THSD4: variants seen among roughly 807,000 people sequenced by gnomAD.
THSD4 encodes the protein thrombospondin type 1 domain containing 4, also known as thrombospondin type-1 domain-containing protein 4.
In THSD4, 69 loss-of-function variants were observed where a neutral mutation model predicts 119.0. That is an observed-to-expected ratio of 0.58 (90% CI 0.48 to 0.71). THSD4 has a LOEUF of 0.71. THSD4 is among the 30% of genes least tolerant of loss of function. The pLI, the probability that THSD4 is intolerant of heterozygous loss-of-function variation, is 0.00. For synonymous variants in THSD4, 524 were observed against 540.4 expected (o/e 0.97, Z 0.42); for missense variants, 1,393 against 1,391.1 (o/e 1.00, Z -0.02).
At chr15:71,172,550 A>G (rs914586663) in intron 3 of THSD4, among the ~76,000 whole-genome samples, 1 of 150,610 alleles carries the variant, frequency 6.6e-6, no homozygotes, top group Non-Finnish European at 1.5e-5. Context: ...TTTCAGAAAG[A>G]AGAAGAAAAT....
intron 3 of THSD4, among the ~76,000 whole-genome samples, chr15:71,182,386 A>G (rs560459338): frequency 1.3e-5 from 2 of 151,764 alleles, no homozygotes; most frequent in Non-Finnish European, 2.9e-5. Context: ...TGGTCTTCTT[A>G]TAAATAAACC....
chr15:71,606,465 G>A (rs1595780337), intron 7 of THSD4, among the ~76,000 whole-genome samples: 1 of 152,212 alleles, frequency 6.6e-6, no homozygotes, highest in African/African-American at 2.4e-5. Context: ...CTCCAGCAAG[G>A]AGGCAGGATA....
Position 71,762,150 on chromosome 15 carries a change from AACAC to A in THSD4, c.2590-2844_2590-2841del, listed in dbSNP as rs72267245. Among the ~76,000 whole-genome samples the A allele has an allele frequency of 6.7e-3, 750 of 112,300 alleles. 3 individuals carry two copies. Among genetic ancestry groups the A allele is most frequent in the East Asian group, 0.015 (66 of 4,538 alleles). 73.7% of individuals were successfully genotyped at this position (112,300 alleles called of 152,430 possible). ...AAATGCTGTCTCATGCGCGTGTGCAAACACACACACACACACACACACACACACA... is the reference window on the plus strand; with the variant it reads ...AAATGCTGTCTCATGCGCGTGTGCAAACACACACACACACACACACACACA... On this transcript the variant is annotated intron_variant, in intron 15 of 17. Coordinates refer to ENST00000261862, the MANE Select transcript of THSD4 (RefSeq NM_024817.3).
chr15:71,132,792 ACACG>A lies in THSD4; in HGVS notation c.-79-8656_-79-8653del, dbSNP rs2040515465. On this transcript the variant is annotated intron_variant, in intron 1 of 17. Transcript: ENST00000261862. ...ACTTGTTACACCTTCCTTCCCCAAC[ACACG>A]TATGTGTGTGTATGTGTGTACGCTC... 8.5e-5 allele frequency among the ~76,000 whole-genome samples: 13 copies of A among 152,314 alleles called. No homozygotes were observed. The South Asian group carries it at 2.5e-3, about 29-fold the overall frequency.
At chr15:71,762,879 T>C (rs2053649703) in intron 15 of THSD4, among the ~76,000 whole-genome samples, 1 of 152,068 alleles carries the variant, frequency 6.6e-6, no homozygotes, top group South Asian at 2.1e-4. Flanking sequence ...GAGACCACCC[T>C]GGCCAATATG....
intron 3 of THSD4, among the ~76,000 whole-genome samples, chr15:71,194,215 T>A (rs2141444510): frequency 6.6e-6 from 1 of 152,356 alleles, no homozygotes; most frequent in South Asian, 2.1e-4. Flanking sequence ...TAAAAAGGAC[T>A]AATGCAGTTG....
At chr15:71,516,542 A>G (rs980057554) in intron 7 of THSD4, among the ~76,000 whole-genome samples, 15 of 152,258 alleles carry the variant, frequency 9.9e-5, no homozygotes, top group African/African-American at 3.4e-4. Context: ...GTATAATGCA[A>G]TTGGAAAACA....
chr15:71,368,811 A>G (rs2140431829), intron 6 of THSD4, among the ~76,000 whole-genome samples: 1 of 152,232 alleles, frequency 6.6e-6, no homozygotes, highest in South Asian at 2.1e-4. Context: ...GTTTTTTCCA[A>G]TTCTGTGAAG....
At chr15:71,575,223 CTT>C (rs1355460792) in intron 7 of THSD4, among the ~76,000 whole-genome samples, 3 of 152,194 alleles carry the variant, frequency 2.0e-5, no homozygotes, top group Admixed American at 2.0e-4. Context: ...GGATTTCTCT[CTT>C]CAAGTTGTCT....
intron 7 of THSD4, among the ~76,000 whole-genome samples, chr15:71,648,509 G>T (rs903442882): frequency 3.9e-5 from 6 of 152,146 alleles, no homozygotes; most frequent in Non-Finnish European, 5.9e-5. Flanking sequence ...ACTACCAAAA[G>T]AAAGCATTTT....
In THSD4 at chr15:71,410,859, C is replaced by G. The variant is rs543741017; in HGVS notation, c.1016-828C>G. On this transcript the variant is annotated intron_variant, in intron 6 of 17. Coordinates refer to ENST00000261862, the MANE Select transcript of THSD4 (RefSeq NM_024817.3). ...CTGGCCTGGCCAACATGGTGAAACC[C>G]TGTCACTACTAAAAAATACACACAC... Among the ~76,000 whole-genome samples, 4 of 151,626 alleles carry G rather than the reference C, an allele frequency of 2.6e-5. No homozygotes were observed. The South Asian group carries it at 8.3e-4, about 31-fold the overall frequency.
At chr15:71,400,613 CA>C (rs1339821414) in intron 6 of THSD4, among the ~76,000 whole-genome samples, 2 of 152,166 alleles carry the variant, frequency 1.3e-5, no homozygotes, top group Admixed American at 1.3e-4. Context: ...GTTACTAGAC[CA>C]AATGCTGCAA....
At chr15:71,683,087 G>A (rs375176145) in intron 8 of THSD4, among the ~76,000 whole-genome samples, 7 of 151,210 alleles carry the variant, frequency 4.6e-5, no homozygotes, top group Non-Finnish European at 7.4e-5. Flanking sequence ...ATGCCTGGCC[G>A]ATTTTTGTAT....
chr15:71,113,336 G>T (rs1037540895), upstream of THSD4, among the ~76,000 whole-genome samples: 2 of 152,186 alleles, frequency 1.3e-5, no homozygotes, highest in African/African-American at 4.8e-5. Context: ...TAGGTCTGTC[G>T]AATCAAGTTT....
chr15:71,484,752 C>T (rs191494189), intron 7 of THSD4, among the ~76,000 whole-genome samples: 160 of 152,268 alleles, frequency 1.1e-3, no homozygotes, highest in Admixed American at 1.9e-3. Context: ...GTGACCTGTC[C>T]GTGGCCATCT....
chr15:71,725,720 G>A (rs188780159), intron 8 of THSD4, among the ~76,000 whole-genome samples: 2 of 152,282 alleles, frequency 1.3e-5, no homozygotes, highest in Admixed American at 1.3e-4. Flanking sequence ...TTTCCTCAAT[G>A]GAATGATGGA....
At chr15:71,771,269 C>T (rs990818250) in intron 17 of THSD4, 61 bp downstream of exon 17, 63 of 1,590,956 alleles carry the variant, frequency 4.0e-5, no homozygotes, top group African/African-American at 5.4e-5. Flanking sequence ...TCAGATTCTC[C>T]GGTGTGACAA....
intron 2 of THSD4, among the ~76,000 whole-genome samples, chr15:71,145,365 T>TAGA (rs372141065): frequency 3.3e-5 from 5 of 152,336 alleles, no homozygotes; most frequent in African/African-American, 1.2e-4. Context: ...ATTACAGAGT[T>TAGA]AGAAGGTGAT....
intron 4 of THSD4, among the ~76,000 whole-genome samples, chr15:71,227,342 A>C (rs2044025937): frequency 1.3e-5 from 2 of 152,200 alleles, no homozygotes; most frequent in Non-Finnish European, 2.9e-5. Flanking sequence ...CTATGGAAAA[A>C]GCCTGACTGC....
Sources: allele counts gnomAD v4.1 joint callset (sites outside exome capture counted in the v4.1 genomes callset), GRCh38; gene constraint gnomAD v4.1.1; transcripts MANE v1.5; gene names NCBI Gene and HGNC (gene_info 2026-07-23, HGNC 2026-07-21).